Variants in SPMIP2 observed in about 807,000 individuals in gnomAD.
SPMIP2 encodes sperm microtubule inner protein 2, also known as protein SPMIP2.
At chr4:159,036,807 G>C in the SPMIP2 span, among the ~76,000 whole-genome samples, 2 of 152,026 alleles carry the variant, frequency 1.3e-5, no homozygotes, top group African/African-American at 4.8e-5. Flanking sequence ...CCTTCCTATG[G>C]CCTGCTACAG....
chr4:158,972,229 G>A, the SPMIP2 span, among the ~76,000 whole-genome samples: 14 of 152,332 alleles, frequency 9.2e-5, no homozygotes, highest in South Asian at 2.7e-3. Context: ...GGGCCTGATG[G>A]CATGTGCCTG....
At chr4:158,898,598 C>T in the SPMIP2 span, among the ~76,000 whole-genome samples, 1 of 152,178 alleles carries the variant, frequency 6.6e-6, no homozygotes, top group Non-Finnish European at 1.5e-5. Flanking sequence ...CTCTTTGTAG[C>T]AATTGTGAAT....
At chr4:159,050,639 C>T in the SPMIP2 span, among the ~76,000 whole-genome samples, 1 of 151,770 alleles carries the variant, frequency 6.6e-6, no homozygotes, top group African/African-American at 2.4e-5. Flanking sequence ...CCCATCTCTA[C>T]AAAACATAAA....
chr4:158,909,294 C>A, the SPMIP2 span: 2 of 151,716 alleles, frequency 1.3e-5, 1 homozygote, highest in South Asian at 4.2e-4. Context: ...GGGAAAGTTA[C>A]AGTAGATATT....
At chr4:159,058,412 C>T in the SPMIP2 span, among the ~76,000 whole-genome samples, 2 of 152,006 alleles carry the variant, frequency 1.3e-5, no homozygotes, top group Non-Finnish European at 2.9e-5. Context: ...CCCTTGATTA[C>T]TGAGTGTTTA....
At chr4:158,959,775 G>A in the SPMIP2 span, among the ~76,000 whole-genome samples, 1 of 151,968 alleles carries the variant, frequency 6.6e-6, no homozygotes. Flanking sequence ...AATTTAACAT[G>A]CTGTGAGCTA....
At chr4:158,930,435 T>C in the SPMIP2 span, among the ~76,000 whole-genome samples, 1 of 151,932 alleles carries the variant, frequency 6.6e-6, no homozygotes, top group African/African-American at 2.4e-5. Context: ...CTCAAACTCC[T>C]GGGCTCAAGG....
the SPMIP2 span, among the ~76,000 whole-genome samples, chr4:159,066,350 T>C: frequency 3.9e-5 from 6 of 151,932 alleles, no homozygotes; most frequent in Non-Finnish European, 8.8e-5. Flanking sequence ...CACAGGGAAA[T>C]ATGCTTTGTT....
the SPMIP2 span, among the ~76,000 whole-genome samples, chr4:159,000,853 T>C: frequency 6.6e-6 from 1 of 152,190 alleles, no homozygotes; most frequent in Non-Finnish European, 1.5e-5. Context: ...TAGCAATAGT[T>C]TATTCCTTTT....
chr4:159,040,407 G>A, the SPMIP2 span, among the ~76,000 whole-genome samples: 8 of 151,904 alleles, frequency 5.3e-5, no homozygotes, highest in Non-Finnish European at 8.8e-5. Context: ...TCCTGACCTC[G>A]TGATCCGCCC....
the SPMIP2 span, among the ~76,000 whole-genome samples, chr4:158,958,530 T>C: frequency 0.018 from 2,812 of 152,302 alleles, 77 homozygotes; most frequent in South Asian, 0.091. Context: ...GGCTGGCTGG[T>C]TCACCATGAT....
chr4:158,914,574 G>A, the SPMIP2 span, among the ~76,000 whole-genome samples: 1 of 152,088 alleles, frequency 6.6e-6, no homozygotes, highest in African/African-American at 2.4e-5. Context: ...TTGTGCTGTG[G>A]GATTAGACAG....
the SPMIP2 span, among the ~76,000 whole-genome samples, chr4:158,895,278 A>G: frequency 7.9e-5 from 12 of 152,350 alleles, no homozygotes; most frequent in African/African-American, 2.9e-4. Context: ...CTGGGCCAGA[A>G]TAATCTGAGC....
chr4:159,066,589 T>TTATATATATATATATATA, the SPMIP2 span, among the ~76,000 whole-genome samples: 196 of 76,460 alleles, frequency 2.6e-3, no homozygotes, highest in East Asian at 4.6e-3. Context: ...TGTGTGTATT[T>TTATATATATATATATATA]TATATATATA....
the SPMIP2 span, among the ~76,000 whole-genome samples, chr4:159,077,439 C>T: frequency 6.6e-6 from 1 of 152,164 alleles, no homozygotes; most frequent in Non-Finnish European, 1.5e-5. Context: ...AGCCATCACA[C>T]CTGGCCCAGA....
chr4:158,989,118 T>C, the SPMIP2 span, among the ~76,000 whole-genome samples: 2 of 152,022 alleles, frequency 1.3e-5, no homozygotes, highest in African/African-American at 4.8e-5. Flanking sequence ...AAATCATGAG[T>C]GAACTCCCAG....
the SPMIP2 span, among the ~76,000 whole-genome samples, chr4:158,945,144 A>C: frequency 6.6e-6 from 1 of 152,040 alleles, no homozygotes; most frequent in Non-Finnish European, 1.5e-5. Context: ...AATATTTCTC[A>C]CTTTTGAACA....
chr4:158,989,932 A>G, the SPMIP2 span, among the ~76,000 whole-genome samples: 1 of 152,230 alleles, frequency 6.6e-6, no homozygotes, highest in African/African-American at 2.4e-5. Context: ...AACTATTATC[A>G]GAGTGAACAG....
At chr4:159,030,377 C>T in the SPMIP2 span, among the ~76,000 whole-genome samples, 15 of 151,896 alleles carry the variant, frequency 9.9e-5, no homozygotes, top group African/African-American at 3.6e-4. Context: ...CGTGCCACTG[C>T]ACTCTAGCCT....
Sources: allele counts gnomAD v4.1 joint callset (sites outside exome capture counted in the v4.1 genomes callset), GRCh38; gene constraint gnomAD v4.1.1; transcripts MANE v1.5; gene names NCBI Gene and HGNC (gene_info 2026-07-23, HGNC 2026-07-21).